Variants in NECAB2 observed in about 807,000 individuals in gnomAD.
The protein encoded by NECAB2 is N-terminal EF-hand calcium-binding protein 2.
A neutral mutation model predicts 51.9 loss-of-function variants in NECAB2; 68 were observed. The ratio of observed to expected loss-of-function variants is 1.31; its 90% CI spans 1.08 to 1.60. The LOEUF is 1.60. NECAB2 is among the 40% of genes most tolerant of loss of function. The pLI is 0.00. For synonymous variants in NECAB2, 329 were observed against 203.5 expected (o/e 1.62, Z -5.25); for missense variants, 854 against 490.3 (o/e 1.74, Z -7.00).
At position 84,002,300 on chromosome 16, in the gene NECAB2, G is replaced by A. The variant is rs143665596; in HGVS notation, c.1133-18G>A. Reference sequence around the variant, plus strand: ...CACATTCGCACTCCTTCCCTCTAACGTGTCTCTCTCCTTTTAGCTGCTTGG... The same window carrying A: ...CACATTCGCACTCCTTCCCTCTAACATGTCTCTCTCCTTTTAGCTGCTTGG... On this transcript the variant is annotated intron_variant, in intron 12 of 12. Coordinates refer to ENST00000305202, the MANE Select transcript of NECAB2 (RefSeq NM_019065.3). 746 of 1,613,714 alleles carry A rather than the reference G, an allele frequency of 4.6e-4. 1 individual carries two copies. The African/African-American group carries it at 8.0e-3, about 17-fold the overall frequency.
At chr16:83,966,126 C>G, upstream of NECAB2, 2 of 827,704 alleles carry the variant, frequency 2.4e-6, no homozygotes, top group Non-Finnish European at 3.7e-6. Flanking sequence ...CGTTGCTGGC[C>G]TTTGGGGTCA....
At chr16:83,996,762 A>T (rs2084706401) in intron 8 of NECAB2, among the ~76,000 whole-genome samples, 1 of 152,056 alleles carries the variant, frequency 6.6e-6, no homozygotes, top group African/African-American at 2.4e-5. Context: ...GTTCCTGGAG[A>T]CCGAAACTTA....
chr16:83,972,205 C>T (rs201715864), intron 2 of NECAB2, 30 bp downstream of exon 2: 13 of 1,613,456 alleles, frequency 8.1e-6, no homozygotes, highest in Non-Finnish European at 1.1e-5. Context: ...CGACGGCCGC[C>T]CCACTCCTTC....
chr16:83,998,145 G>T (rs1476336282), intron 9 of NECAB2, 60 bp from the exon 10 acceptor site: 16 of 1,482,114 alleles, frequency 1.1e-5, no homozygotes, highest in African/African-American at 2.8e-5. Flanking sequence ...GGGCCTGATG[G>T]GGTGTTTAGG....
rs1354385509 is a variant in NECAB2, at chr16:83,994,438, C to T, written c.715+18C>T. Reference sequence around the variant, plus strand: ...TCCATCTGGTGAGAGAAAGCGGGGGCCCTGGTGGGGGTACCAGCTGGGGGT... The same window carrying T: ...TCCATCTGGTGAGAGAAAGCGGGGGTCCTGGTGGGGGTACCAGCTGGGGGT... On this transcript the variant is annotated intron_variant, in intron 7 of 12. Coordinates refer to ENST00000305202, the MANE Select transcript of NECAB2 (RefSeq NM_019065.3). 5 of 1,612,510 alleles carry T rather than the reference C, an allele frequency of 3.1e-6. No individual in the cohort carries two copies. Among genetic ancestry groups the T allele is most frequent in the Non-Finnish European group, 1.7e-6 (2 of 1,178,636 alleles).
At chr16:84,001,689 AAAGGCTCT>A in intron 11 of NECAB2, 128 bp from the exon 12 acceptor site, 1 of 870,952 alleles carries the variant, frequency 1.1e-6, no homozygotes, top group Non-Finnish European at 1.8e-6. Flanking sequence ...ACCTTCCCAC[AAAGGCTCT>A]GAGTCCAAAG....
At chr16:83,997,376 C>T in intron 9 of NECAB2, 107 bp downstream of exon 9, 1 of 1,410,466 alleles carries the variant, frequency 7.1e-7, no homozygotes, top group South Asian at 1.2e-5. Flanking sequence ...CTGCTTGGGA[C>T]CACCAGGAGG....
intron 10 of NECAB2, among the ~76,000 whole-genome samples, chr16:83,999,462 C>A (rs992001511): frequency 6.6e-6 from 1 of 152,152 alleles, no homozygotes; most frequent in African/African-American, 2.4e-5. Flanking sequence ...GCCTGGAGAG[C>A]CAGGTGAGAT....
rs75006670 is a variant in NECAB2, at chr16:83,977,982, A to G, written c.227-462A>G. Among the ~76,000 whole-genome samples the G allele has an allele frequency of 1.6e-4, 24 of 152,290 alleles. No homozygotes were observed. In the East Asian group the frequency reaches 4.6e-3, roughly 29 times the overall value. On this transcript the variant is annotated intron_variant, in intron 2 of 12. Transcript: ENST00000305202. ...ATCCACTTCATACCGATGGTGTGAC[A>G]TGGGACAAGTTGCTCACAGTGGGTT... is the stretch of plus-strand genomic sequence containing the variant.
intron 8 of NECAB2, among the ~76,000 whole-genome samples, chr16:83,995,009 G>C (rs867343896): frequency 3.3e-5 from 5 of 152,208 alleles, no homozygotes; most frequent in Admixed American, 1.3e-4. Flanking sequence ...TAGCTTCAAG[G>C]AGACTTTGCT....
intron 10 of NECAB2, 61 bp downstream of exon 10, chr16:83,998,378 G>GC: frequency 8.6e-6 from 13 of 1,506,390 alleles, no homozygotes; most frequent in Non-Finnish European, 1.2e-5. Context: ...GGCAGTGGAG[G>GC]AACAGGGCAG....
intron 10 of NECAB2, 148 bp downstream of exon 10, chr16:83,998,465 G>T (rs551270859): frequency 2.7e-6 from 2 of 736,438 alleles, no homozygotes; most frequent in African/African-American, 1.8e-5. Flanking sequence ...GTGGGTTCAG[G>T]TCTCTACTGA....
rs767572295 is a variant in NECAB2, at chr16:83,994,667, G to A, written c.774G>A (p.Leu258=). 5.0e-6 allele frequency: 8 copies of A among 1,614,016 alleles called. No homozygotes were observed. The highest frequency in any genetic ancestry group is 3.3e-5 in the South Asian group (3 of 91,078). The part of the protein sequence containing the change: ...LEAQISRLAE[L]IGRLESKALW... ...CCCAGATCAGCCGCTTGGCAGAGCT[G>A]ATTGGGAGGCTGGAGAGCAAAGTAA... Residue 258 remains leucine, a synonymous_variant, in exon 8 of 13, where the codon CTG becomes CTA. Coordinates refer to ENST00000305202, the MANE Select transcript of NECAB2 (RefSeq NM_019065.3).
At chr16:83,968,954 T>G in intron 1 of NECAB2, 105 bp downstream of exon 1, 20 of 676,120 alleles carry the variant, frequency 3.0e-5, no homozygotes, top group Non-Finnish European at 3.5e-5. Context: ...AGGCCCTCCC[T>G]ACCCGGGCAG....
chr16:83,979,674 C>T (rs1185421841), intron 3 of NECAB2, among the ~76,000 whole-genome samples: 5 of 122,960 alleles, frequency 4.1e-5, no homozygotes, highest in African/African-American at 1.2e-4. Context: ...TTAGGACCAG[C>T]GGGGTAGAGG....
At chr16:83,983,176 G>A (rs1337666673) in intron 5 of NECAB2, among the ~76,000 whole-genome samples, 2 of 152,136 alleles carry the variant, frequency 1.3e-5, no homozygotes, top group Admixed American at 6.6e-5. Context: ...TCTTTTGCTT[G>A]CGTATTTCCT....
chr16:83,976,495 C>A (rs373806017), intron 2 of NECAB2, among the ~76,000 whole-genome samples: 13 of 152,102 alleles, frequency 8.5e-5, no homozygotes, highest in South Asian at 2.1e-4. Flanking sequence ...TCAGGCTTGC[C>A]GAAGACACTC....
chr16:83,968,977 C>A (rs2084319984), intron 1 of NECAB2, 128 bp downstream of exon 1: 3 of 482,306 alleles, frequency 6.2e-6, no homozygotes, highest in Non-Finnish European at 8.4e-6. Context: ...GACCCCCGGC[C>A]CCTCCGCGTG....
At chr16:83,997,186 C>G (rs376213569) in intron 8 of NECAB2, 30 bp from the exon 9 acceptor site, 62 of 1,613,848 alleles carry the variant, frequency 3.8e-5, no homozygotes, top group African/African-American at 2.5e-4. Flanking sequence ...GGCTCTGGGT[C>G]TAGCATCACT....
Sources: allele counts gnomAD v4.1 joint callset (sites outside exome capture counted in the v4.1 genomes callset), GRCh38; gene constraint gnomAD v4.1.1; transcripts MANE v1.5; gene names NCBI Gene and HGNC (gene_info 2026-07-23, HGNC 2026-07-21).